SEC62: variants seen among roughly 807,000 people sequenced by gnomAD.
The protein encoded by SEC62 is SEC62 preprotein translocation factor.
In SEC62, 10 loss-of-function variants were observed where a neutral mutation model predicts 47.5. The ratio of observed to expected loss-of-function variants is 0.21; its 90% CI spans 0.13 to 0.36. The LOEUF (loss-of-function observed/expected upper bound fraction) is 0.36. Among genes scored for constraint, SEC62 ranks in the 10% least tolerant of loss-of-function variants. The pLI is 1.00. For synonymous variants in SEC62, 136 were observed against 150.5 expected, an observed-to-expected ratio of 0.90 and a Z score of 0.71; for missense variants, 327 against 464.1, an observed-to-expected ratio of 0.70 and a Z score of 2.71.
chr3:169,979,534 C>T (rs1413106432), intron 3 of SEC62, among the ~76,000 whole-genome samples: 3 of 152,140 alleles, frequency 2.0e-5, no homozygotes, highest in Admixed American at 1.3e-4. Context: ...CCAGTTATGT[C>T]GTCCTCAGTC....
intron 4 of SEC62, 96 bp from the exon 5 acceptor site, chr3:169,983,065 G>A (rs144450994): frequency 2.1e-6 from 3 of 1,452,352 alleles, no homozygotes; most frequent in African/African-American, 2.9e-5. Context: ...TTTTATTTCT[G>A]TGTTACAAAT....
intron 3 of SEC62, among the ~76,000 whole-genome samples, chr3:169,981,017 G>A (rs984632274): frequency 1.1e-4 from 17 of 152,100 alleles, no homozygotes; most frequent in Non-Finnish European, 1.5e-5. Flanking sequence ...ACATTCTGGA[G>A]TAAAAAATGT....
intron 6 of SEC62, among the ~76,000 whole-genome samples, chr3:169,986,438 C>G (rs1451523110): frequency 6.6e-6 from 1 of 152,044 alleles, no homozygotes. Context: ...ATTCAAAATG[C>G]TTATACCATT....
intron 3 of SEC62, among the ~76,000 whole-genome samples, chr3:169,981,521 G>A (rs141865673): frequency 4.6e-3 from 700 of 152,338 alleles, no homozygotes; most frequent in Non-Finnish European, 7.6e-3. Context: ...GGCACCAGTG[G>A]TGGTAGTGAG....
intron 3 of SEC62, 129 bp from the exon 4 acceptor site, chr3:169,982,578 A>T: frequency 9.4e-7 from 1 of 1,064,358 alleles, no homozygotes; most frequent in South Asian, 1.3e-5. Context: ...TCACGGGCAT[A>T]CTAGTTGTAA....
chr3:169,967,654 G>A (rs1025148723), intron 1 of SEC62, among the ~76,000 whole-genome samples: 7 of 152,030 alleles, frequency 4.6e-5, no homozygotes, highest in African/African-American at 1.7e-4. Flanking sequence ...ATTTTCCCTG[G>A]TTCTTGTTCT....
Position 169,992,911 on chromosome 3 carries a change from G to A in SEC62, c.1048G>A (p.Asp350Asn). The part of the protein sequence containing the change: ...HSDTDSDRRE[D>N]DRSQHSSGNG... The stretch of plus-strand genomic sequence containing the variant: ...AGACACGGACAGTGACAGGAGGGAA[G>A]ATGATCGATCCCAGCACAGTAGTGG... Residue 350 changes from aspartate (D) to asparagine (N), a missense_variant, in exon 8 of 8, where the codon GAT becomes AAT. Asp to Asn is a conservative substitution (Grantham distance 23, BLOSUM62 1). This residue lies in a region of SEC62 where 102 missense variants were observed against 108.8 expected (regional missense o/e 0.94). Transcript: ENST00000337002. The surrounding 1 kb of genome is among the most constrained non-coding windows in gnomAD (Gnocchi z 4.0). The A allele has an allele frequency of 1.9e-6, 3 of 1,614,062 alleles. No individual in the cohort carries two copies. Among genetic ancestry groups the A allele is most frequent in the Non-Finnish European group, 2.5e-6 (3 of 1,180,016 alleles).
chr3:169,980,156 T>C (rs1378515511), intron 3 of SEC62, among the ~76,000 whole-genome samples: 1 of 152,126 alleles, frequency 6.6e-6, no homozygotes, highest in Admixed American at 6.6e-5. Flanking sequence ...TTATAACTAA[T>C]CACAATGCAG....
chr3:169,992,511 G>A lies in SEC62; in HGVS notation c.731-83G>A. ...TATGAAATGTGCAGATAATAAAACT[G>A]TTTTCCCAGCTTTTTATTAACAAAT... On this transcript the variant is annotated intron_variant, in intron 7 of 7. Transcript: ENST00000337002. The surrounding 1 kb of genome is among the most constrained non-coding windows in gnomAD (Gnocchi z 4.0). 1.1e-6 allele frequency: 1 copy of A among 940,790 alleles called. No individual in the cohort carries two copies. The highest frequency in any genetic ancestry group is 1.6e-6 in the Non-Finnish European group (1 of 614,706). The allele number at this position is 940,790 out of a possible 1,614,324, so 58.3% of individuals were successfully genotyped here. A position where few individuals can be genotyped will look rare whatever the true frequency, so the allele number is the denominator to read the frequency against.
At chr3:169,989,581 C>T (rs552054843) in intron 7 of SEC62, among the ~76,000 whole-genome samples, 354 of 152,014 alleles carry the variant, frequency 2.3e-3, no homozygotes, top group Admixed American at 3.9e-3. Flanking sequence ...TTTTGCCTTT[C>T]AAATTCCTGA....
rs150191522 is a variant in SEC62, at chr3:169,977,853, G to C, written c.251+802G>C. Among the ~76,000 whole-genome samples, 188 of 152,218 alleles carry C rather than the reference G, an allele frequency of 1.2e-3. 1 individual carries two copies. Among genetic ancestry groups the C allele is most frequent in the African/African-American group, 4.3e-3 (177 of 41,512 alleles). On this transcript the variant is annotated intron_variant, in intron 3 of 7. Transcript: ENST00000337002. ...TTATTTAATGGCACCTAAAGTATCA[G>C]CCACATAAGAACCCTCTTAAAAACC... is the stretch of plus-strand genomic sequence containing the variant.
chr3:169,974,914 T>C (rs556272066), intron 1 of SEC62, among the ~76,000 whole-genome samples: 1 of 150,402 alleles, frequency 6.6e-6, no homozygotes, highest in South Asian at 2.1e-4. Context: ...CACTTGTTTC[T>C]ACTTACTTTG....
rs1181183467 is a variant in SEC62, at chr3:169,984,059, T to C, written c.549+806T>C. 2.6e-5 allele frequency: 4 copies of C among 152,228 alleles called. No individual in the cohort carries two copies. In the East Asian group the frequency reaches 7.7e-4, roughly 29 times the overall value. 9.4% of individuals were successfully genotyped at this position (152,228 alleles called of 1,614,324 possible). ...TTCACCAGTACGTAAACATGAGTTA[T>C]ATACTGGGCATTGAACTGTTGTGAA... On this transcript the variant is annotated intron_variant, in intron 5 of 7. Transcript: ENST00000337002.
At chr3:169,982,968 T>G (rs1273825012) in intron 4 of SEC62, 57 bp downstream of exon 4, 6 of 1,540,378 alleles carry the variant, frequency 3.9e-6, no homozygotes, top group Non-Finnish European at 5.2e-6. Flanking sequence ...ACATGAACAC[T>G]ACTGGCCTAT....
In SEC62 at chr3:169,992,702, C is replaced by T; in HGVS notation, c.839C>T (p.Pro280Leu). The change falls in exon 8 of 8, where the codon CCT becomes CTT. Residue 280 changes from proline (P) to leucine (L), a missense_variant. Around this residue, in one of 3 missense-constraint regions of SEC62, gnomAD observed 99 missense variants for 194.0 expected, o/e 0.51. Coordinates refer to ENST00000337002, the MANE Select transcript of SEC62 (RefSeq NM_003262.4). This position sits in a 1 kb window ranked among gnomAD's most constrained non-coding sequence, Gnocchi z 4.0. ...ADVGFIDSFR[P>L]LYTHEYKGPK... ...GTGGGCTTCATTGACTCCTTCAGGCCTCTGTACACACATGAATACAAAGGA... is the reference window on the plus strand; with the variant it reads ...GTGGGCTTCATTGACTCCTTCAGGCTTCTGTACACACATGAATACAAAGGA... The T allele has an allele frequency of 6.2e-7, 1 of 1,614,104 alleles. No homozygotes were observed. The highest frequency in any genetic ancestry group is 8.5e-7 in the Non-Finnish European group (1 of 1,180,024).
intron 1 of SEC62, among the ~76,000 whole-genome samples, chr3:169,974,656 T>C (rs1179382334): frequency 1.3e-5 from 2 of 152,224 alleles, no homozygotes; most frequent in East Asian, 1.9e-4. Flanking sequence ...ATAACTCTTT[T>C]TGCATTTTTC....
rs1715353000 is a variant in SEC62, at chr3:169,995,538, G to T, written c.*2475G>T. On this transcript the variant is annotated 3_prime_UTR_variant, in exon 8 of 8. Coordinates refer to ENST00000337002, the MANE Select transcript of SEC62 (RefSeq NM_003262.4). Reference sequence around the variant, plus strand: ...AATTATGCAGTGGTGATGAATTTTGGTGTTTCCCCCCTCTTTCTGGTTTTA... The same window carrying T: ...AATTATGCAGTGGTGATGAATTTTGTTGTTTCCCCCCTCTTTCTGGTTTTA... 1 of 152,044 alleles carries T rather than the reference G, an allele frequency of 6.6e-6. No homozygotes were observed. Among genetic ancestry groups the T allele is most frequent in the South Asian group, 2.1e-4 (1 of 4,822 alleles). The allele number at this position is 152,044 out of a possible 1,614,324, so 9.4% of individuals were successfully genotyped here.
intron 5 of SEC62, among the ~76,000 whole-genome samples, chr3:169,984,644 T>G (rs962561624): frequency 6.6e-6 from 1 of 152,180 alleles, no homozygotes; most frequent in African/African-American, 2.4e-5. Flanking sequence ...TGAAATATCT[T>G]TTTTAAAAAA....
At chr3:169,977,204 G>A (rs2108282248) in intron 3 of SEC62, among the ~76,000 whole-genome samples, 153 bp downstream of exon 3, 1 of 151,564 alleles carries the variant, frequency 6.6e-6, no homozygotes, top group South Asian at 2.1e-4. Flanking sequence ...CTCTGGAAAT[G>A]TGTTTGGTAT....
Sources: gnomAD v4.1 joint callset for allele counts (sites outside exome capture counted in the v4.1 genomes callset) on GRCh38, gnomAD v4.1.1 for gene constraint, gnomAD v4.1.1 regional missense constraint, Gnocchi (gnomAD v3.1) non-coding constraint, MANE v1.5 for transcripts, NCBI Gene and HGNC (gene_info 2026-07-23, HGNC 2026-07-21) for gene names.